KLF8: variants seen among roughly 807,000 people sequenced by gnomAD.
KLF8 encodes KLF transcription factor 8.
In KLF8, 10 loss-of-function variants were observed where a neutral mutation model predicts 18.2. The observed-to-expected ratio is 0.55, with a 90% CI of 0.34 to 0.93. The LOEUF is 0.93. KLF8 is among the 40% of genes least tolerant of loss of function. KLF8 has a pLI of 0.02. For missense variants in KLF8, 264 were observed against 277.9 expected, an observed-to-expected ratio of 0.95 and a Z score of 0.36; for synonymous variants, 109 against 97.3, an observed-to-expected ratio of 1.12 and a Z score of -0.71.
Position 56,288,537 on chromosome X carries a change from A to G in KLF8, c.*4043A>G. Among the ~76,000 whole-genome samples, 1 of 108,586 alleles carries G rather than the reference A, an allele frequency of 9.2e-6. No individual in the cohort carries two copies. The highest frequency in any genetic ancestry group is 3.9e-4 in the South Asian group (1 of 2,594). 94.3% of individuals were successfully genotyped at this position (108,586 alleles called of 115,157 possible). A position where few individuals can be genotyped will look rare whatever the true frequency, so the allele number is the denominator to read the frequency against. On this transcript the variant is annotated 3_prime_UTR_variant, in exon 6 of 6. Coordinates refer to ENST00000468660, the MANE Select transcript of KLF8 (RefSeq NM_007250.5). ...ATTTGGTTCCAGATCACTGCAATGA[A>G]GCAAATATTACAATAAAGCAAGTCA...
chrX:55,936,445 A>G, the KLF8 span, among the ~76,000 whole-genome samples: 2 of 112,786 alleles, frequency 1.8e-5, no homozygotes, highest in Non-Finnish European at 3.8e-5. Context: ...AGCTCCCAGT[A>G]TGAGCGATGC....
the KLF8 span, among the ~76,000 whole-genome samples, chrX:56,050,866 G>A: frequency 9.2e-6 from 1 of 109,131 alleles, no homozygotes; most frequent in Non-Finnish European, 1.9e-5. Context: ...TTGACAGTGG[G>A]GTGTTAAAGT....
the KLF8 span, among the ~76,000 whole-genome samples, chrX:56,123,297 A>AAGAAAGAC: frequency 1.1e-5 from 1 of 92,661 alleles, no homozygotes; most frequent in East Asian, 2.9e-4. Flanking sequence ...GAAAGAAAGA[A>AAGAAAGAC]AGAGAAAGAA....
chrX:55,966,652 T>C, the KLF8 span, among the ~76,000 whole-genome samples: 4 of 111,501 alleles, frequency 3.6e-5, no homozygotes, highest in African/African-American at 1.3e-4. Flanking sequence ...TCCCAAGAGG[T>C]ATTGGTACAA....
the KLF8 span, among the ~76,000 whole-genome samples, chrX:56,125,351 G>A: frequency 3.6e-5 from 4 of 111,693 alleles, no homozygotes; most frequent in African/African-American, 1.3e-4. Flanking sequence ...CTAGAGTCCT[G>A]GGGAGTGTAA....
chrX:56,056,491 C>T, the KLF8 span, among the ~76,000 whole-genome samples: 2 of 107,370 alleles, frequency 1.9e-5, no homozygotes, highest in Admixed American at 2.0e-4. Flanking sequence ...GAGTTCATGT[C>T]CTTTGTAGGG....
chrX:56,229,905 T>C (rs1210470691), upstream of KLF8, among the ~76,000 whole-genome samples: 5 of 112,191 alleles, frequency 4.5e-5, no homozygotes, highest in Non-Finnish European at 9.4e-5. Context: ...GGAAAGGATC[T>C]TGGGTTTGTT....
At position 56,262,913 on chromosome X, in the gene KLF8, G is replaced by A. The variant is rs1008576731; in HGVS notation, c.82-2267G>A. Among the ~76,000 whole-genome samples, 21 of 111,676 alleles carry A rather than the reference G, an allele frequency of 1.9e-4. 1 individual carries two copies. The highest frequency in any genetic ancestry group is 3.2e-4 in the Non-Finnish European group (17 of 53,115). On this transcript the variant is annotated intron_variant, in intron 2 of 5. Transcript: ENST00000468660. ...GCTGGGATTACAGGCATGAGCCACC[G>A]CGCCCGCCCTACACTGAACCTCTTC...
chrX:56,047,215 TG>T, the KLF8 span, among the ~76,000 whole-genome samples: 30 of 41,225 alleles, frequency 7.3e-4, no homozygotes, highest in South Asian at 2.1e-3. Context: ...GAAGTTGTGA[TG>T]TTTTTTTTTA....
chrX:56,158,604 AC>A, the KLF8 span, among the ~76,000 whole-genome samples: 4 of 111,745 alleles, frequency 3.6e-5, no homozygotes, highest in African/African-American at 1.3e-4. Flanking sequence ...GAGGTCCTTC[AC>A]ATCCCTTGTA....
chrX:56,072,986 C>CCT, the KLF8 span, among the ~76,000 whole-genome samples: 1 of 81,385 alleles, frequency 1.2e-5, no homozygotes, highest in African/African-American at 4.1e-5. Flanking sequence ...TTTCGCTTAG[C>CCT]ATTTTTTTTT....
the KLF8 span, among the ~76,000 whole-genome samples, chrX:56,174,728 G>T: frequency 9.0e-6 from 1 of 111,305 alleles, no homozygotes; most frequent in Non-Finnish European, 1.9e-5. Context: ...TCTGGTCTTG[G>T]CCTTTTTTTG....
At chrX:56,199,392 GA>G in the KLF8 span, among the ~76,000 whole-genome samples, 2 of 111,033 alleles carry the variant, frequency 1.8e-5, no homozygotes, top group African/African-American at 6.5e-5. Context: ...AAATTTACAA[GA>G]AAAAAACAAA....
the KLF8 span, among the ~76,000 whole-genome samples, chrX:55,938,961 A>G: frequency 8.9e-6 from 1 of 111,936 alleles, no homozygotes; most frequent in Non-Finnish European, 1.9e-5. Context: ...CATTAGAAAG[A>G]TCAATGAGAC....
intron 2 of KLF8, among the ~76,000 whole-genome samples, chrX:56,258,111 C>T (rs972269819): frequency 8.9e-6 from 1 of 112,445 alleles, no homozygotes; most frequent in Non-Finnish European, 1.9e-5. Flanking sequence ...ATTAGCACAT[C>T]AAAACTTGCT....
At chrX:56,169,916 C>T in the KLF8 span, among the ~76,000 whole-genome samples, 7 of 111,294 alleles carry the variant, frequency 6.3e-5, no homozygotes, top group Non-Finnish European at 1.1e-4. Flanking sequence ...TAAGGTCTGA[C>T]GAGCACAGTC....
chrX:56,055,457 T>C, the KLF8 span, among the ~76,000 whole-genome samples: 3 of 112,094 alleles, frequency 2.7e-5, no homozygotes. Flanking sequence ...GGATTCCCTT[T>C]CTAGGTGACC....
the KLF8 span, among the ~76,000 whole-genome samples, chrX:56,162,162 A>G: frequency 1.8e-5 from 2 of 111,446 alleles, no homozygotes; most frequent in Non-Finnish European, 3.8e-5. Context: ...TGGCCATGTG[A>G]GGTGTCAGTG....
At chrX:55,926,199 A>C in the KLF8 span, among the ~76,000 whole-genome samples, 2 of 111,648 alleles carry the variant, frequency 1.8e-5, no homozygotes, top group African/African-American at 6.5e-5. Flanking sequence ...AGTATTTTGC[A>C]TACCTGTGAC....
Sources: gnomAD v4.1 joint callset for allele counts (sites outside exome capture counted in the v4.1 genomes callset) on GRCh38, gnomAD v4.1.1 for gene constraint, MANE v1.5 for transcripts, NCBI Gene and HGNC (gene_info 2026-07-23, HGNC 2026-07-21) for gene names.